RPLP2: variants seen among roughly 807,000 people sequenced by gnomAD.
The protein encoded by RPLP2 is large ribosomal subunit protein P2.
A neutral mutation model predicts 11.5 loss-of-function variants in RPLP2; 1 was observed. The observed-to-expected ratio is 0.09, with a 90% CI of 0.03 to 0.41. The LOEUF (loss-of-function observed/expected upper bound fraction) is 0.41. Ranked by LOEUF, RPLP2 falls within the 10% of genes least tolerant of loss-of-function variation. The pLI is 0.98. For synonymous variants in RPLP2, 82 were observed against 55.9 expected (o/e 1.47, Z -2.08); for missense variants, 177 against 145.6 (o/e 1.22, Z -1.11).
intron 2 of RPLP2, chr11:811,281 G>C (rs537769131): frequency 1.7e-5 from 7 of 411,786 alleles, no homozygotes; most frequent in African/African-American, 1.4e-4. Context: ...TCCTACCACT[G>C]CACTCCAGCC....
chr11:812,561 G>T lies in RPLP2; in HGVS notation c.199G>T (p.Ala67Ser). The T allele has an allele frequency of 6.2e-7, 1 of 1,609,544 alleles. No individual in the cohort carries two copies. The change falls in exon 4 of 5, where the codon GCT (alanine) becomes TCT (serine). Residue 67 changes from alanine to serine, a missense_variant. By Grantham distance (99) the Ala-to-Ser change is moderately conservative. Coordinates refer to ENST00000321153, the MANE Select transcript of RPLP2 (RefSeq NM_001004.4). ...TATTGGCAAGCTTGCCAGTGTACCT[G>T]CTGGTGGGGCTGTAGCCGTCTCTGC... ...QGIGKLASVP[A>S]GGAVAVSAAP...
In RPLP2 at chr11:811,640, C is replaced by T; in HGVS notation, c.167C>T (p.Ala56Val). Residue 56 changes from alanine (A) to valine (V), a missense_variant, in exon 3 of 5, where the codon GCC (alanine) becomes GTC (valine). Ala to Val is a moderately conservative substitution (Grantham distance 64, BLOSUM62 0). Transcript: ENST00000321153. ...GGAAAAAACATTGAAGACGTCATTG[C>T]CCAGGGTGAGTTGATGTGGACGGGC... ...LNGKNIEDVI[A>V]QGIGKLASVP... 8.7e-6 allele frequency: 14 copies of T among 1,614,198 alleles called. No homozygotes were observed. Among genetic ancestry groups the T allele is most frequent in the Non-Finnish European group, 1.1e-5 (13 of 1,180,018 alleles).
chr11:811,971 A>C (rs761184832), intron 3 of RPLP2: 5 of 529,684 alleles, frequency 9.4e-6, no homozygotes, highest in African/African-American at 1.9e-5. Flanking sequence ...AGTCCTTACC[A>C]CATGCTTTCT....
chr11:811,259 GCTGCAGTGAGATCCTACCA>G (rs1289576032), intron 2 of RPLP2: 9 of 358,428 alleles, frequency 2.5e-5, no homozygotes, highest in Non-Finnish European at 4.8e-5. Flanking sequence ...GGAGGTCAAG[GCTGCAGTGAGATCCTACCA>G]CTGCACTCCA....
intron 2 of RPLP2, among the ~76,000 whole-genome samples, chr11:811,176 A>C (rs1238386261): frequency 1.3e-5 from 2 of 152,088 alleles, no homozygotes; most frequent in African/African-American, 2.4e-5. Flanking sequence ...TCTAAAATAC[A>C]ATAAAAAATT....
intron 3 of RPLP2, chr11:812,223 C>T: frequency 2.2e-6 from 1 of 447,722 alleles, no homozygotes; most frequent in South Asian, 2.2e-5. Context: ...GGGCAGCACA[C>T]TCATTCCCTA....
intron 1 of RPLP2, 47 bp downstream of exon 1, chr11:810,086 C>A: frequency 1.0e-6 from 1 of 982,692 alleles, no homozygotes; most frequent in Non-Finnish European, 1.4e-6. Context: ...GACGCGGAGT[C>A]CGTGGGGATG....
chr11:812,462 C>T, intron 3 of RPLP2, 73 bp from the exon 4 acceptor site: 1 of 1,585,106 alleles, frequency 6.3e-7, no homozygotes, highest in Admixed American at 1.7e-5. Context: ...ATCTCTGGTG[C>T]CATCTAACTT....
chr11:812,872 ATC>A, exon 5 of RPLP2: 2 of 1,604,972 alleles, frequency 1.2e-6, no homozygotes, highest in Non-Finnish European at 1.7e-6. Flanking sequence ...CTTTTTACAC[ATC>A]TCTCAAGTAT....
At chr11:810,378 G>C in intron 2 of RPLP2, 21 bp downstream of exon 2, 1 of 1,597,974 alleles carries the variant, frequency 6.3e-7, no homozygotes, top group Non-Finnish European at 8.5e-7. Flanking sequence ...CCCTTGCCCC[G>C]CAGCCGCCGT....
rs201732038 is a variant in RPLP2 at position 812,720 on chromosome 11, A to C, written c.272-40A>C. 165 of 1,612,898 alleles carry C rather than the reference A, an allele frequency of 1.0e-4. 3 individuals carry two copies. The Admixed American group carries it at 2.7e-3, about 27-fold the overall frequency. The stretch of plus-strand genomic sequence containing the variant: ...GTCTTCATGGGGGGACTGGCCTGGC[A>C]CTTGGGCAGTGCTCACCATGCCTCT... On this transcript the variant is annotated intron_variant, in intron 4 of 4. Transcript: ENST00000321153.
Position 809,987 on chromosome 11 carries a change from C to G in RPLP2, c.-54C>G, listed in dbSNP as rs1481605539. On this transcript the variant is annotated 5_prime_UTR_variant, in exon 1 of 5. Transcript: ENST00000321153. ...GCCTTCCTTTTCCTCCCTGTCGCCA[C>G]CGAGGTCGCACGCGTGAGACTTCTC... is the stretch of plus-strand genomic sequence containing the variant. 1 of 411,000 alleles carries G rather than the reference C, an allele frequency of 2.4e-6. No individual in the cohort carries two copies. The highest frequency in any genetic ancestry group is 4.2e-6 in the Non-Finnish European group (1 of 237,866). 25.5% of individuals were successfully genotyped at this position (411,000 alleles called of 1,614,324 possible).
chr11:811,239 C>T, intron 2 of RPLP2: 8 of 329,672 alleles, frequency 2.4e-5, no homozygotes, highest in South Asian at 2.3e-4. Flanking sequence ...GGGATAGTCA[C>T]TTGAGCCCGG....
In RPLP2 at chr11:810,226, C is replaced by A; in HGVS notation, c.-1-8C>A. 1 of 1,546,404 alleles carries A rather than the reference C, an allele frequency of 6.5e-7. No individual in the cohort carries two copies. The highest frequency in any genetic ancestry group is 8.7e-7 in the Non-Finnish European group (1 of 1,146,854). ...ACTCCGCCGTCGCGTCCTCTCCGCCCGCCTCAGGATGCGCTACGTCGCCTC... is the reference window on the plus strand; with the variant it reads ...ACTCCGCCGTCGCGTCCTCTCCGCCAGCCTCAGGATGCGCTACGTCGCCTC... On this transcript the variant is annotated splice_region_variant and splice_polypyrimidine_tract_variant and intron_variant, in intron 1 of 4. Transcript: ENST00000321153.
intron 2 of RPLP2, among the ~76,000 whole-genome samples, chr11:810,676 C>T (rs1006278187): frequency 1.3e-5 from 2 of 151,960 alleles, no homozygotes; most frequent in Non-Finnish European, 2.9e-5. Flanking sequence ...TGCCTGTAGT[C>T]CCCCTACTTG....
chr11:810,287 C>T lies in RPLP2; in HGVS notation c.53C>T (p.Pro18Leu). The stretch of plus-strand genomic sequence containing the variant: ...GCTGCCCTAGGGGGCAACTCCTCCC[C>T]CAGCGCCAAGGACATCAAGAAGATC... ...LLAALGGNSS[P>L]SAKDIKKILD... Residue 18 changes from proline (P) to leucine (L), a missense_variant, in exon 2 of 5, where the codon CCC becomes CTC. By Grantham distance (98) the Pro-to-Leu change is moderately conservative. Transcript: ENST00000321153. 6.2e-7 allele frequency: 1 copy of T among 1,608,190 alleles called. No homozygotes were observed. Among genetic ancestry groups the T allele is most frequent in the Non-Finnish European group, 8.5e-7 (1 of 1,178,172 alleles).
intron 3 of RPLP2, 199 bp from the exon 4 acceptor site, chr11:812,336 A>G: frequency 3.0e-6 from 2 of 664,080 alleles, no homozygotes; most frequent in Non-Finnish European, 5.1e-6. Context: ...AAGTCCCTGG[A>G]TAGGAAAGGT....
At position 811,837 on chromosome 11, in the gene RPLP2, C is replaced by T. The variant is rs1866076569; in HGVS notation, c.172+192C>T. ...CTCTCAGGAGCAGGGCAGCAGGGGGCACCCTGTGTTCTCAGCAGACGTTTA... is the reference window on the plus strand; with the variant it reads ...CTCTCAGGAGCAGGGCAGCAGGGGGTACCCTGTGTTCTCAGCAGACGTTTA... On this transcript the variant is annotated intron_variant, in intron 3 of 4. Transcript: ENST00000321153. The T allele has an allele frequency of 6.3e-6, 5 of 795,598 alleles. No individual in the cohort carries two copies. The East Asian group carries it at 7.3e-5, about 12-fold the overall frequency. 49.3% of individuals were successfully genotyped at this position (795,598 alleles called of 1,614,324 possible). A position where few individuals can be genotyped will look rare whatever the true frequency, so the allele number is the denominator to read the frequency against.
In RPLP2 at chr11:810,306, G is replaced by A. The variant is rs1236292354; in HGVS notation, c.72G>A (p.Lys24=). Residue 24 remains lysine, a synonymous_variant, in exon 2 of 5, where the codon AAG becomes AAA. Coordinates refer to ENST00000321153, the MANE Select transcript of RPLP2 (RefSeq NM_001004.4). ...GNSSPSAKDI[K]KILDSVGIEA... is the part of the protein sequence containing the mutation. ...CCTCCCCCAGCGCCAAGGACATCAA[G>A]AAGATCTTGGACAGCGTGGGTATCG... The A allele has an allele frequency of 1.2e-6, 2 of 1,609,762 alleles. No homozygotes were observed. Among genetic ancestry groups the A allele is most frequent in the Non-Finnish European group, 1.7e-6 (2 of 1,178,650 alleles).
Sources: gnomAD v4.1 joint callset for allele counts (sites outside exome capture counted in the v4.1 genomes callset) on GRCh38, gnomAD v4.1.1 for gene constraint, MANE v1.5 for transcripts, NCBI Gene and HGNC (gene_info 2026-07-23, HGNC 2026-07-21) for gene names.